Variants in PEX14 observed in about 807,000 individuals in gnomAD.
PEX14 encodes the protein peroxisomal biogenesis factor 14, also known as peroxisomal membrane protein PEX14.
A neutral mutation model predicts 49.5 loss-of-function variants in PEX14; 15 were observed. That is an observed-to-expected ratio of 0.30 (90% CI 0.20 to 0.47). PEX14 has a LOEUF of 0.47. Among genes scored for constraint, PEX14 ranks in the 20% least tolerant of loss-of-function variants. The pLI, the probability that PEX14 is intolerant of heterozygous loss-of-function variation, is 1.00. For synonymous variants in PEX14, 210 were observed against 212.7 expected (o/e 0.99, Z 0.11); for missense variants, 398 against 494.8 (o/e 0.80, Z 1.86).
At chr1:10,620,439 G>T (rs996307740) in intron 5 of PEX14, among the ~76,000 whole-genome samples, 1 of 152,080 alleles carries the variant, frequency 6.6e-6, no homozygotes, top group African/African-American at 2.4e-5. Flanking sequence ...AGTGAACTGA[G>T]ATCACACTAC....
chr1:10,480,776 AAACTT>A (rs1340688014), intron 1 of PEX14, among the ~76,000 whole-genome samples: 5 of 152,150 alleles, frequency 3.3e-5, no homozygotes, highest in South Asian at 4.1e-4. Flanking sequence ...ATTCCCATAA[AAACTT>A]AACCAAGATG....
Position 10,501,776 on chromosome 1 carries a change from G to T in PEX14, c.84+6455G>T, listed in dbSNP as rs1369362527. 2.0e-5 allele frequency among the ~76,000 whole-genome samples: 3 copies of T among 152,164 alleles called. No homozygotes were observed. The East Asian group carries it at 5.8e-4, about 29-fold the overall frequency. ...CAAAAAATTAAAAAAAATTTAGCCAGATGTGGTGGCGAGTGCCTGTAGTCC... is the reference window on the plus strand; with the variant it reads ...CAAAAAATTAAAAAAAATTTAGCCATATGTGGTGGCGAGTGCCTGTAGTCC... On this transcript the variant is annotated intron_variant, in intron 2 of 8. Transcript: ENST00000356607.
chr1:10,575,064 G>A (rs10864465), intron 3 of PEX14, among the ~76,000 whole-genome samples: 21,910 of 145,862 alleles, frequency 0.15, 1,990 homozygotes, highest in South Asian at 0.32. Flanking sequence ...GCAAGAACCC[G>A]TCTCTTAAAT....
intron 1 of PEX14, among the ~76,000 whole-genome samples, chr1:10,488,166 C>T (rs968831622): frequency 1.3e-5 from 2 of 151,588 alleles, no homozygotes; most frequent in African/African-American, 4.8e-5. Flanking sequence ...TTATTTTTTC[C>T]AGAGTCAGTT....
At chr1:10,599,918 T>C (rs1410966226) in intron 4 of PEX14, among the ~76,000 whole-genome samples, 1 of 152,230 alleles carries the variant, frequency 6.6e-6, no homozygotes, top group Non-Finnish European at 1.5e-5. Flanking sequence ...AATGTTTCTT[T>C]TAATTATACG....
At chr1:10,584,071 C>T (rs1640410048) in intron 3 of PEX14, among the ~76,000 whole-genome samples, 1 of 152,162 alleles carries the variant, frequency 6.6e-6, no homozygotes, top group African/African-American at 2.4e-5. Flanking sequence ...AGGGTGGAAG[C>T]TGGGAGACTA....
rs565056294 is a variant in PEX14, at chr1:10,600,993, G to A, written c.298+1627G>A. Among the ~76,000 whole-genome samples, 27 of 152,182 alleles carry A rather than the reference G, an allele frequency of 1.8e-4. No individual in the cohort carries two copies. In the South Asian group the frequency reaches 5.4e-3, roughly 30 times the overall value. On this transcript the variant is annotated intron_variant, in intron 4 of 8. Coordinates refer to ENST00000356607, the MANE Select transcript of PEX14 (RefSeq NM_004565.3). ...AAAAAACAGACAGGCCGGGCGCGGT[G>A]GCTCACGCCTGTAATCCCAGCACTT...
At chr1:10,581,058 T>A (rs890978890) in intron 3 of PEX14, among the ~76,000 whole-genome samples, 3 of 152,054 alleles carry the variant, frequency 2.0e-5, no homozygotes, top group Admixed American at 6.5e-5. Flanking sequence ...CAAATAAGTG[T>A]CCTATTGATA....
intron 2 of PEX14, among the ~76,000 whole-genome samples, chr1:10,500,938 T>C (rs1371584535): frequency 6.6e-6 from 1 of 152,230 alleles, no homozygotes; most frequent in African/African-American, 2.4e-5. Context: ...TGTATGCATG[T>C]GTATGACAAT....
rs141196447 is a variant in PEX14 at position 10,582,637 on chromosome 1, T to C, written c.170-16601T>C. Among the ~76,000 whole-genome samples, 456 of 152,278 alleles carry C rather than the reference T, an allele frequency of 3.0e-3. 2 individuals are homozygous for C. The highest frequency in any genetic ancestry group is 0.01 in the African/African-American group (419 of 41,550). ...CAGGGGTGGAAGACTGATGCCTGAC[T>C]CTCTCCAGAGTATAAGGCATATCAG... is the stretch of plus-strand genomic sequence containing the variant. On this transcript the variant is annotated intron_variant, in intron 3 of 8. Transcript: ENST00000356607.
intron 2 of PEX14, among the ~76,000 whole-genome samples, chr1:10,506,285 T>C (rs998307471): frequency 6.6e-6 from 1 of 152,148 alleles, no homozygotes; most frequent in African/African-American, 2.4e-5. Flanking sequence ...TTTTTTTGTG[T>C]GTTTTTTTGA....
At chr1:10,498,733 GA>G (rs1641614644) in intron 2 of PEX14, among the ~76,000 whole-genome samples, 1 of 152,228 alleles carries the variant, frequency 6.6e-6, no homozygotes, top group East Asian at 1.9e-4. Context: ...CCAGTCTTGA[GA>G]AATTCTGCAA....
In PEX14 at chr1:10,495,376, T is replaced by C. The variant is rs373556154; in HGVS notation, c.84+55T>C. On this transcript the variant is annotated intron_variant, in intron 2 of 8. Transcript: ENST00000356607. The surrounding 1 kb of genome is among the most constrained non-coding windows in gnomAD (Gnocchi z 4.2). ...TCTAGTAATTAAAATGCCACGCGAG[T>C]GAAAAGAAACCTTCTGTTCCTATGG... The C allele has an allele frequency of 1.2e-3, 1,718 of 1,410,312 alleles. 16 individuals carry two copies. The highest frequency in any genetic ancestry group is 8.0e-3 in the South Asian group (684 of 85,276). The allele number at this position is 1,410,312 out of a possible 1,614,324, so 87.4% of individuals were successfully genotyped here. A position where few individuals can be genotyped will look rare whatever the true frequency, so the allele number is the denominator to read the frequency against.
intron 3 of PEX14, among the ~76,000 whole-genome samples, chr1:10,586,628 CTTTTTTTTTTTTTT>C (rs35743829): frequency 3.4e-4 from 32 of 93,048 alleles, no homozygotes; most frequent in African/African-American, 8.8e-4. Context: ...AGCCGTTTAC[CTTTTTTTTTTTTTT>C]TTTTTTTTTT....
rs1305635916 is a variant in PEX14, at chr1:10,584,794, G to C, written c.170-14444G>C. Among the ~76,000 whole-genome samples, 4 of 152,190 alleles carry C rather than the reference G, an allele frequency of 2.6e-5. No individual in the cohort carries two copies. The East Asian group carries it at 5.8e-4, about 22-fold the overall frequency. ...CTGTACTGAAAGAAACACTAAAGGA[G>C]TTTTCAGGCAGAGAGAAAATGATCT... On this transcript the variant is annotated intron_variant, in intron 3 of 8. Coordinates refer to ENST00000356607, the MANE Select transcript of PEX14 (RefSeq NM_004565.3).
chr1:10,589,657 C>T (rs1640601890), intron 3 of PEX14, among the ~76,000 whole-genome samples: 1 of 152,306 alleles, frequency 6.6e-6, no homozygotes, highest in East Asian at 1.9e-4. Context: ...AAGCAGTCTG[C>T]CCGCCTTGGC....
chr1:10,497,922 A>G (rs1297566808), intron 2 of PEX14, among the ~76,000 whole-genome samples: 1 of 152,210 alleles, frequency 6.6e-6, no homozygotes, highest in African/African-American at 2.4e-5. Flanking sequence ...ACTAAAGGCA[A>G]ATAATCTTAT....
At chr1:10,524,675 CATTT>C (rs1638409139) in intron 2 of PEX14, among the ~76,000 whole-genome samples, 1 of 148,098 alleles carries the variant, frequency 6.8e-6, no homozygotes, top group African/African-American at 2.6e-5. Context: ...TTTGTGGAAT[CATTT>C]GATTGATTGA....
chr1:10,625,262 G>T (rs1413513011), intron 7 of PEX14, among the ~76,000 whole-genome samples: 2 of 152,106 alleles, frequency 1.3e-5, no homozygotes, highest in Non-Finnish European at 2.9e-5. Context: ...CCGGGCCCAG[G>T]AGACAGTGGC....
Sources: gnomAD v4.1 joint callset for allele counts (sites outside exome capture counted in the v4.1 genomes callset) on GRCh38, gnomAD v4.1.1 for gene constraint, Gnocchi (gnomAD v3.1) non-coding constraint, MANE v1.5 for transcripts, NCBI Gene and HGNC (gene_info 2026-07-23, HGNC 2026-07-21) for gene names.